Variants in SMAD1 observed in about 807,000 individuals in gnomAD.
SMAD1 encodes the protein MAD, mothers against decapentaplegic homolog 1.
Under a neutral mutation model 41.6 loss-of-function variants are expected in SMAD1, and 6 were observed. That is an observed-to-expected ratio of 0.14 (90% CI 0.08 to 0.28). The LOEUF (loss-of-function observed/expected upper bound fraction) is 0.28. Ranked by LOEUF, SMAD1 falls within the 10% of genes least tolerant of loss-of-function variation. The pLI, the probability that SMAD1 is intolerant of heterozygous loss-of-function variation, is 1.00. For missense variants in SMAD1, 379 were observed against 582.6 expected, an observed-to-expected ratio of 0.65 and a Z score of 3.60; for synonymous variants, 206 against 203.2, an observed-to-expected ratio of 1.01 and a Z score of -0.12.
At chr4:145,491,695 C>T (rs915821883) in intron 1 of SMAD1, among the ~76,000 whole-genome samples, 5 of 152,184 alleles carry the variant, frequency 3.3e-5, no homozygotes, top group Admixed American at 1.3e-4. Context: ...GGCAGGCACC[C>T]TGCTTCCCTC....
At chr4:145,498,272 A>G (rs979650249) in intron 1 of SMAD1, among the ~76,000 whole-genome samples, 1 of 152,224 alleles carries the variant, frequency 6.6e-6, no homozygotes, top group African/African-American at 2.4e-5. Context: ...TTTTTTGATT[A>G]TGTGCCTGAA....
In SMAD1 at chr4:145,542,729, T is replaced by G. The variant is rs373073858; in HGVS notation, c.775+31T>G. 965 of 1,429,244 alleles carry G rather than the reference T, an allele frequency of 6.8e-4. 20 individuals carry two copies. In the South Asian group the frequency reaches 0.01, roughly 15 times the overall value. The allele number at this position is 1,429,244 out of a possible 1,614,324, so 88.5% of individuals were successfully genotyped here. ...ACTAATTGCTGCCTGTTCCCTTTTT[T>G]AGAGTCTAAAGTTTGTCCAGATGTT... is the stretch of plus-strand genomic sequence containing the variant. On this transcript the variant is annotated intron_variant, in intron 4 of 6. Coordinates refer to ENST00000302085, the MANE Select transcript of SMAD1 (RefSeq NM_005900.3).
At chr4:145,546,506 C>A in intron 4 of SMAD1, 197 bp from the exon 5 acceptor site, 1 of 555,032 alleles carries the variant, frequency 1.8e-6, no homozygotes, top group South Asian at 2.5e-5. Flanking sequence ...CCAATTTTCT[C>A]CAATTAGGAG....
chr4:145,532,893 T>G (rs535208767), intron 2 of SMAD1, among the ~76,000 whole-genome samples: 1 of 152,324 alleles, frequency 6.6e-6, no homozygotes, highest in South Asian at 2.1e-4. Context: ...ACCCAAGAAA[T>G]GAGAATTGCA....
Position 145,539,920 on chromosome 4 carries a change from C to G in SMAD1, c.517C>G (p.Pro173Ala). 1 of 1,614,054 alleles carries G rather than the reference C, an allele frequency of 6.2e-7. No homozygotes were observed. Among genetic ancestry groups the G allele is most frequent in the Non-Finnish European group, 8.5e-7 (1 of 1,180,002 alleles). Residue 173 changes from proline to alanine, a missense_variant, in exon 3 of 7, where the codon CCA becomes GCA. By Grantham distance (27) the Pro-to-Ala change is conservative. This residue lies in a region of SMAD1 where 208 missense variants were observed against 210.5 expected (regional missense o/e 0.99). Coordinates refer to ENST00000302085, the MANE Select transcript of SMAD1 (RefSeq NM_005900.3). ...TCACATGCCACTCAACGCCACTTTT[C>G]CAGATTCTTTCCAGCAACCCAACAG... ...EPHMPLNATF[P>A]DSFQQPNSHP...
rs1401631127 is a variant in SMAD1, at chr4:145,546,798, T to C, written c.871T>C (p.Ser291Pro). The part of the protein sequence containing the change: ...NRVGEAFHAS[S>P]TSVLVDGFTD... Reference sequence around the variant, plus strand: ...TGTGGGTGAAGCGTTCCATGCCTCCTCCACAAGTGTGTTGGTGGATGGTTT... The same window carrying C: ...TGTGGGTGAAGCGTTCCATGCCTCCCCCACAAGTGTGTTGGTGGATGGTTT... The change falls in exon 5 of 7, where the codon TCC becomes CCC. Residue 291 changes from serine to proline, a missense_variant. Physicochemically the swap from Ser to Pro is moderately conservative, Grantham distance 74. Transcript: ENST00000302085. The C allele has an allele frequency of 5.6e-6, 9 of 1,613,796 alleles. No homozygotes were observed. The highest frequency in any genetic ancestry group is 7.6e-6 in the Non-Finnish European group (9 of 1,179,786).
intron 2 of SMAD1, among the ~76,000 whole-genome samples, chr4:145,538,932 C>T (rs919989491): frequency 6.6e-6 from 1 of 152,108 alleles, no homozygotes; most frequent in Non-Finnish European, 1.5e-5. Context: ...AGTGGCTTTG[C>T]CTCAGGAGGT....
At chr4:145,501,787 T>C (rs1382329269) in intron 1 of SMAD1, among the ~76,000 whole-genome samples, 1 of 152,002 alleles carries the variant, frequency 6.6e-6, no homozygotes, top group Non-Finnish European at 1.5e-5. Context: ...AATATAGATA[T>C]ACTACTTACC....
chr4:145,543,595 T>TA (rs2126524431), intron 4 of SMAD1, among the ~76,000 whole-genome samples: 1 of 152,320 alleles, frequency 6.6e-6, no homozygotes, highest in Admixed American at 6.5e-5. Context: ...CCCCCTTTAG[T>TA]AAAGGGTGGG....
chr4:145,504,949 G>A (rs1387907619), intron 1 of SMAD1, among the ~76,000 whole-genome samples: 2 of 152,298 alleles, frequency 1.3e-5, no homozygotes, highest in South Asian at 2.1e-4. Flanking sequence ...AAATAATATG[G>A]TTTTTCCAAC....
chr4:145,514,355 A>G lies in SMAD1; in HGVS notation c.-176-83A>G. 2 of 386,492 alleles carry G rather than the reference A, an allele frequency of 5.2e-6. No individual in the cohort carries two copies. Among genetic ancestry groups the G allele is most frequent in the Non-Finnish European group, 9.2e-6 (2 of 218,012 alleles). 23.9% of individuals were successfully genotyped at this position (386,492 alleles called of 1,614,324 possible). On this transcript the variant is annotated intron_variant, in intron 1 of 6. Transcript: ENST00000302085. This position sits in a 1 kb window ranked among gnomAD's most constrained non-coding sequence, Gnocchi z 4.7. ...ACTGTATTACATAAAAGCACTTAAAATAGTACCTAGCACATGGTGATTACT... is the reference window on the plus strand; with the variant it reads ...ACTGTATTACATAAAAGCACTTAAAGTAGTACCTAGCACATGGTGATTACT...
At chr4:145,556,457 T>C (rs1363162961) in intron 6 of SMAD1, among the ~76,000 whole-genome samples, 1 of 152,084 alleles carries the variant, frequency 6.6e-6, no homozygotes, top group Admixed American at 6.5e-5. Flanking sequence ...TCTTTTTTCT[T>C]CTTTTTTTTC....
At chr4:145,516,683 C>G (rs1215833526) in intron 2 of SMAD1, among the ~76,000 whole-genome samples, 2 of 152,086 alleles carry the variant, frequency 1.3e-5, no homozygotes, top group Non-Finnish European at 2.9e-5. Flanking sequence ...TTTCTAAACT[C>G]AGCACAGAGG....
At chr4:145,508,866 C>G (rs1578764263) in intron 1 of SMAD1, among the ~76,000 whole-genome samples, 1 of 152,274 alleles carries the variant, frequency 6.6e-6, no homozygotes, top group Non-Finnish European at 1.5e-5. Flanking sequence ...TCTGGGATCT[C>G]TTTTATGAGG....
In SMAD1 at chr4:145,495,558, T is replaced by C. The variant is rs566534189; in HGVS notation, c.-177+13520T>C. On this transcript the variant is annotated intron_variant, in intron 1 of 6. Transcript: ENST00000302085. ...AAGAGCTAGCAATTTTTGTTTTCTTTATGTTTTCAATAAAGGATCTTAAAA... is the reference window on the plus strand; with the variant it reads ...AAGAGCTAGCAATTTTTGTTTTCTTCATGTTTTCAATAAAGGATCTTAAAA... Among the ~76,000 whole-genome samples, 4 of 152,160 alleles carry C rather than the reference T, an allele frequency of 2.6e-5. No homozygotes were observed. The East Asian group carries it at 7.7e-4, about 29-fold the overall frequency.
intron 1 of SMAD1, among the ~76,000 whole-genome samples, chr4:145,496,117 GT>G (rs143144149): frequency 3.4e-5 from 5 of 147,294 alleles, no homozygotes; most frequent in Admixed American, 1.4e-4. Flanking sequence ...TAAAACTCTT[GT>G]TTTTTTTTTC....
chr4:145,508,795 A>G (rs1729924697), intron 1 of SMAD1, among the ~76,000 whole-genome samples: 1 of 152,202 alleles, frequency 6.6e-6, no homozygotes, highest in Admixed American at 6.5e-5. Flanking sequence ...ATCCAAGATC[A>G]AGGTACCTGG....
chr4:145,546,405 T>G (rs1732254749), intron 4 of SMAD1: 3 of 365,436 alleles, frequency 8.2e-6, no homozygotes. Context: ...TACAGAGCAA[T>G]TAGCATATTG....
At chr4:145,543,407 A>G (rs912901428) in intron 4 of SMAD1, among the ~76,000 whole-genome samples, 4 of 152,176 alleles carry the variant, frequency 2.6e-5, no homozygotes, top group Admixed American at 2.6e-4. Context: ...TGTAATTAGG[A>G]TAGATACACA....
Sources: allele counts gnomAD v4.1 joint callset (sites outside exome capture counted in the v4.1 genomes callset), GRCh38; gene constraint gnomAD v4.1.1; regional missense constraint gnomAD v4.1.1; non-coding constraint Gnocchi (gnomAD v3.1); transcripts MANE v1.5; gene names NCBI Gene and HGNC (gene_info 2026-07-23, HGNC 2026-07-21).